The following DCAF8L2 variants were observed in gnomAD, a reference collection of about 807,000 sequenced individuals.
The protein encoded by DCAF8L2 is DDB1- and CUL4-associated factor 8-like protein 2.
For missense variants in DCAF8L2, 430 were observed against 490.7 expected (o/e 0.88, Z 1.17); for synonymous variants, 200 against 190.9 (o/e 1.05, Z -0.39).
At chrX:27,536,833 C>T in the DCAF8L2 span, among the ~76,000 whole-genome samples, 8 of 111,627 alleles carry the variant, frequency 7.2e-5, no homozygotes, top group Admixed American at 1.9e-4. Context: ...TATCTGGGGA[C>T]CCTCCACCTT....
At chrX:27,516,113 GTGTGTAACACCAAA>G in the DCAF8L2 span, among the ~76,000 whole-genome samples, 2 of 111,504 alleles carry the variant, frequency 1.8e-5, no homozygotes, top group East Asian at 5.7e-4. Flanking sequence ...GTAAATTTGA[GTGTGTAACACCAAA>G]TGGAAAGTAG....
At chrX:27,731,588 A>G (rs1921211454) in intron 4 of DCAF8L2, among the ~76,000 whole-genome samples, 2 of 110,465 alleles carry the variant, frequency 1.8e-5, no homozygotes, top group Non-Finnish European at 1.9e-5. Flanking sequence ...TAATAAATGC[A>G]TTACCAAATA....
chrX:27,564,028 TCCGTTTTC>T, the DCAF8L2 span, among the ~76,000 whole-genome samples: 1 of 112,104 alleles, frequency 8.9e-6, no homozygotes, highest in Non-Finnish European at 1.9e-5. Flanking sequence ...TATGTATTAG[TCCGTTTTC>T]ATGCTGCTAA....
At chrX:27,618,499 C>T (rs1927580235) in intron 1 of DCAF8L2, among the ~76,000 whole-genome samples, 1 of 111,788 alleles carries the variant, frequency 8.9e-6, no homozygotes, top group Non-Finnish European at 1.9e-5. Flanking sequence ...GCATTAGACA[C>T]AAGTAGCTAT....
At chrX:27,740,860 T>C (rs1397954769) in intron 4 of DCAF8L2, among the ~76,000 whole-genome samples, 1 of 111,987 alleles carries the variant, frequency 8.9e-6, no homozygotes, top group Non-Finnish European at 1.9e-5. Flanking sequence ...ATAATATTCA[T>C]TACTGCTTCA....
At chrX:27,670,308 T>G (rs1929904931) in intron 2 of DCAF8L2, among the ~76,000 whole-genome samples, 1 of 111,302 alleles carries the variant, frequency 9.0e-6, no homozygotes, top group African/African-American at 3.3e-5. Flanking sequence ...TATGCTAAAG[T>G]CCTGCTTATT....
chrX:27,469,011 G>A, the DCAF8L2 span, among the ~76,000 whole-genome samples: 2 of 112,018 alleles, frequency 1.8e-5, no homozygotes, highest in African/African-American at 6.5e-5. Flanking sequence ...TAAGAATCAT[G>A]CAAGTATTTT....
intron 2 of DCAF8L2, among the ~76,000 whole-genome samples, chrX:27,649,801 T>G (rs1009958374): frequency 3.6e-5 from 4 of 112,094 alleles, no homozygotes; most frequent in African/African-American, 1.3e-4. Context: ...GCTCCTTAGT[T>G]AAATTAGGTC....
the DCAF8L2 span, among the ~76,000 whole-genome samples, chrX:27,564,315 C>T: frequency 9.0e-6 from 1 of 111,163 alleles, no homozygotes; most frequent in East Asian, 2.8e-4. Flanking sequence ...CCCACAGGAT[C>T]CCTCCCACAA....
At chrX:27,644,017 T>G (rs1569169858) in intron 2 of DCAF8L2, among the ~76,000 whole-genome samples, 1 of 111,754 alleles carries the variant, frequency 8.9e-6, no homozygotes, top group African/African-American at 3.3e-5. Flanking sequence ...GCCAGAAGCA[T>G]TCATTTTACC....
chrX:27,666,720 G>A (rs1413228928), intron 2 of DCAF8L2, among the ~76,000 whole-genome samples: 1 of 111,827 alleles, frequency 8.9e-6, no homozygotes. Context: ...CAAAAACCCT[G>A]GACAATTTGT....
At chrX:27,485,977 C>A in the DCAF8L2 span, among the ~76,000 whole-genome samples, 17 of 88,692 alleles carry the variant, frequency 1.9e-4, no homozygotes, top group Admixed American at 1.5e-3. Flanking sequence ...AAATCTAGAC[C>A]GTTATAATAA....
At chrX:27,556,887 G>A in the DCAF8L2 span, among the ~76,000 whole-genome samples, 2 of 111,994 alleles carry the variant, frequency 1.8e-5, no homozygotes, top group African/African-American at 6.5e-5. Context: ...GGTGAGAATA[G>A]GAACAGGGAT....
intron 2 of DCAF8L2, among the ~76,000 whole-genome samples, chrX:27,669,915 A>G (rs894795534): frequency 9.0e-6 from 1 of 111,530 alleles, no homozygotes; most frequent in Non-Finnish European, 1.9e-5. Flanking sequence ...GCCATTGTGA[A>G]TAGTGCTGCA....
chrX:27,533,230 GA>G, the DCAF8L2 span, among the ~76,000 whole-genome samples: 1 of 43,468 alleles, frequency 2.3e-5, no homozygotes, highest in African/African-American at 6.0e-5. Context: ...AAGAAAGAAA[GA>G]AAGAGAAAGA....
the DCAF8L2 span, among the ~76,000 whole-genome samples, chrX:27,584,239 T>A: frequency 9.0e-6 from 1 of 111,386 alleles, no homozygotes; most frequent in Non-Finnish European, 1.9e-5. Flanking sequence ...CAATAGAACC[T>A]TTGAGTAGCC....
At chrX:27,700,619 T>G (rs1185727082) in intron 3 of DCAF8L2, among the ~76,000 whole-genome samples, 1 of 111,410 alleles carries the variant, frequency 9.0e-6, no homozygotes, top group African/African-American at 3.3e-5. Context: ...GATCACTGCT[T>G]CTTTGGTTAT....
the DCAF8L2 span, among the ~76,000 whole-genome samples, chrX:27,499,171 T>C: frequency 8.9e-6 from 1 of 112,522 alleles, no homozygotes; most frequent in Middle Eastern, 4.6e-3. Flanking sequence ...GAGGCTGCAT[T>C]AATTTACATT....
At chrX:27,642,974 T>A (rs1325885415) in intron 2 of DCAF8L2, among the ~76,000 whole-genome samples, 2 of 111,860 alleles carry the variant, frequency 1.8e-5, no homozygotes, top group Non-Finnish European at 3.8e-5. Flanking sequence ...CCATTTTACC[T>A]TTTAATATGA....
Sources: gnomAD v4.1 joint callset for allele counts (sites outside exome capture counted in the v4.1 genomes callset) on GRCh38, gnomAD v4.1.1 for gene constraint, MANE v1.5 for transcripts, NCBI Gene and HGNC (gene_info 2026-07-23, HGNC 2026-07-21) for gene names.